Variants in ZNF318 observed in about 807,000 individuals in gnomAD.
The protein encoded by ZNF318 is zinc finger protein 318, also known as endocrine regulator.
Under a neutral mutation model 124.2 loss-of-function variants are expected in ZNF318, and 51 were observed. The observed-to-expected ratio is 0.41, with a 90% CI of 0.33 to 0.52. ZNF318 has a LOEUF of 0.52. ZNF318 is among the 20% of genes least tolerant of loss of function. ZNF318 has a pLI of 0.23. For synonymous variants in ZNF318, 1,090 were observed against 1,040.7 expected, an observed-to-expected ratio of 1.05 and a Z score of -0.91; for missense variants, 2,815 against 2,811.2, an observed-to-expected ratio of 1.00 and a Z score of -0.03.
rs1350384167 is a variant in ZNF318 at position 43,369,018 on chromosome 6, G to C, written c.348C>G (p.Ala116=). The stretch of plus-strand genomic sequence containing the variant: ...CTCCGCGGCCGTCCCGGGCATAGTC[G>C]GCGCGGGACTCCCCCCGGCTGCTGC... The part of the protein sequence containing the change: ...FRGSSRGESR[A]DYARDGRGDH... The change falls in exon 1 of 10, where the codon GCC becomes GCG. Residue 116 remains alanine (A), a synonymous_variant. Coordinates refer to ENST00000361428, the MANE Select transcript of ZNF318 (RefSeq NM_014345.3). 7.0e-7 allele frequency: 1 copy of C among 1,435,170 alleles called. No individual in the cohort carries two copies. Among genetic ancestry groups the C allele is most frequent in the African/African-American group, 1.5e-5 (1 of 67,884 alleles). 88.9% of individuals were successfully genotyped at this position (1,435,170 alleles called of 1,614,324 possible). A position where few individuals can be genotyped will look rare whatever the true frequency, so the allele number is the denominator to read the frequency against.
Position 43,340,090 on chromosome 6 carries a change from C to T in ZNF318, c.3908G>A (p.Ser1303Asn), listed in dbSNP as rs1323895682. The change falls in exon 10 of 10, where the codon AGT (serine) becomes AAT (asparagine). Residue 1303 changes from serine to asparagine, a missense_variant. Transcript: ENST00000361428. ...PSISKEEILE[S>N]SKDKEDGKTE... The stretch of plus-strand genomic sequence containing the variant: ...TTTGCCATCCTCTTTGTCCTTACTA[C>T]TTTCTAGAATCTCTTCTTTAGAGAT... 6.2e-7 allele frequency: 1 copy of T among 1,614,082 alleles called. No individual in the cohort carries two copies. The highest frequency in any genetic ancestry group is 1.3e-5 in the African/African-American group (1 of 74,944).
chr6:43,343,160 A>G (rs981381385), intron 6 of ZNF318, among the ~76,000 whole-genome samples: 4 of 152,218 alleles, frequency 2.6e-5, no homozygotes, highest in Non-Finnish European at 4.4e-5. Flanking sequence ...AAGGTTGTGG[A>G]AACATTGGCT....
chr6:43,336,847 G>A lies in ZNF318; in HGVS notation c.*311C>T, dbSNP rs1475657132. ...AAATACAATCAAAGCACACTATGTG[G>A]TGAGCCAGTTAGACATGTGATTTTA... On this transcript the variant is annotated 3_prime_UTR_variant, in exon 10 of 10. Coordinates refer to ENST00000361428, the MANE Select transcript of ZNF318 (RefSeq NM_014345.3). 6.3e-6 allele frequency: 1 copy of A among 157,640 alleles called. No individual in the cohort carries two copies. The highest frequency in any genetic ancestry group is 2.4e-5 in the African/African-American group (1 of 41,504). 9.8% of individuals were successfully genotyped at this position (157,640 alleles called of 1,614,324 possible). A position where few individuals can be genotyped will look rare whatever the true frequency, so the allele number is the denominator to read the frequency against.
Position 43,337,889 on chromosome 6 carries a change from T to G in ZNF318, c.6109A>C (p.Thr2037Pro). 17 of 1,614,162 alleles carry G rather than the reference T, an allele frequency of 1.1e-5. No homozygotes were observed. The highest frequency in any genetic ancestry group is 1.4e-5 in the Non-Finnish European group (16 of 1,180,028). The change falls in exon 10 of 10, where the codon ACT becomes CCT. Residue 2037 changes from threonine to proline, a missense_variant. Transcript: ENST00000361428. ...TCACACACTTTCTGACACAAGACAG[T>G]TGGGGATCTATGTGCTGGGCTTACC... ...TRVSPAHRSP[T>P]VLCQKVCEEN... is the part of the protein sequence containing the mutation.
At position 43,338,256 on chromosome 6, in the gene ZNF318, T is replaced by G. The variant is rs147524759; in HGVS notation, c.5742A>C (p.Ser1914=). The change falls in exon 10 of 10, where the codon TCA becomes TCC. Residue 1914 remains serine, a synonymous_variant. Transcript: ENST00000361428. ...LTGSPQEQGV[S]VVSEEGLENS... ...TCTCTAGCCCCTCCTCACTAACAACTGAAACTCCTTGCTCTTGTGGACTAC... is the reference window on the plus strand; with the variant it reads ...TCTCTAGCCCCTCCTCACTAACAACGGAAACTCCTTGCTCTTGTGGACTAC... 6.2e-7 allele frequency: 1 copy of G among 1,614,034 alleles called. No individual in the cohort carries two copies. The highest frequency in any genetic ancestry group is 1.3e-5 in the African/African-American group (1 of 74,942).
intron 2 of ZNF318, among the ~76,000 whole-genome samples, chr6:43,364,961 A>G (rs1581652621): frequency 1.3e-5 from 2 of 152,212 alleles, no homozygotes; most frequent in South Asian, 4.1e-4. Flanking sequence ...GGGACTGCTC[A>G]TAGTTTCACT....
At chr6:43,353,538 C>T (rs1413431101) in intron 4 of ZNF318, among the ~76,000 whole-genome samples, 1 of 152,050 alleles carries the variant, frequency 6.6e-6, no homozygotes, top group Non-Finnish European at 1.5e-5. Flanking sequence ...CCACACCCGG[C>T]TAATTTTTTG....
chr6:43,367,834 G>A (rs1779781660), intron 1 of ZNF318, among the ~76,000 whole-genome samples: 1 of 152,090 alleles, frequency 6.6e-6, no homozygotes, highest in African/African-American at 2.4e-5. Context: ...ATGTTAGAGA[G>A]CCACTCAAAA....
chr6:43,368,759 G>A (rs1015188266), intron 1 of ZNF318: 13 of 985,338 alleles, frequency 1.3e-5, no homozygotes, highest in Non-Finnish European at 1.6e-5. Context: ...GCGCACTCCC[G>A]ACGAGACGCC....
At chr6:43,348,007 AG>A (rs1204408610) in intron 6 of ZNF318, among the ~76,000 whole-genome samples, 1 of 152,216 alleles carries the variant, frequency 6.6e-6, no homozygotes, top group Non-Finnish European at 1.5e-5. Flanking sequence ...ACATGAACAT[AG>A]TTGCTAAATA....
chr6:43,338,881 C>T lies in ZNF318; in HGVS notation c.5117G>A (p.Ser1706Asn), dbSNP rs528148704. The T allele has an allele frequency of 6.2e-7, 1 of 1,614,140 alleles. No homozygotes were observed. Among genetic ancestry groups the T allele is most frequent in the Non-Finnish European group, 8.5e-7 (1 of 1,180,038 alleles). Residue 1706 changes from serine (S) to asparagine (N), a missense_variant, in exon 10 of 10, where the codon AGT (serine) becomes AAT (asparagine). Coordinates refer to ENST00000361428, the MANE Select transcript of ZNF318 (RefSeq NM_014345.3). ...LAIWTSSSFQ[S>N]DTSRDISPEK... Reference sequence around the variant, plus strand: ...TGGAGATATATCCCTACTAGTGTCACTCTGGAAGGAACTAGAGGTCCATAT... The same window carrying T: ...TGGAGATATATCCCTACTAGTGTCATTCTGGAAGGAACTAGAGGTCCATAT...
chr6:43,347,258 G>C (rs1779460660), intron 6 of ZNF318, among the ~76,000 whole-genome samples: 1 of 152,214 alleles, frequency 6.6e-6, no homozygotes, highest in Non-Finnish European at 1.5e-5. Context: ...AAGAAGGAAA[G>C]AGGCATGAAA....
chr6:43,351,522 A>T (rs562986573), intron 5 of ZNF318, among the ~76,000 whole-genome samples: 1 of 152,300 alleles, frequency 6.6e-6, no homozygotes, highest in African/African-American at 2.4e-5. Flanking sequence ...GCACTCTGGG[A>T]GGCCGAGGAA....
Position 43,337,635 on chromosome 6 carries a change from C to T in ZNF318, c.6363G>A (p.Glu2121=). Residue 2121 remains glutamate (E), a synonymous_variant, in exon 10 of 10, where the codon GAG becomes GAA. Transcript: ENST00000361428. ...ENVDRGLGGL[E]GTHQALDLLA... Reference sequence around the variant, plus strand: ...ACAGGTCAAGGGCCTGGTGTGTTCCCTCTAGGCCCCCCAAGCCACGGTCAA... The same window carrying T: ...ACAGGTCAAGGGCCTGGTGTGTTCCTTCTAGGCCCCCCAAGCCACGGTCAA... The T allele has an allele frequency of 6.2e-7, 1 of 1,614,118 alleles. No individual in the cohort carries two copies. The highest frequency in any genetic ancestry group is 8.5e-7 in the Non-Finnish European group (1 of 1,180,006).
chr6:43,352,178 C>CTTTGCACT (rs1779536796), intron 5 of ZNF318, among the ~76,000 whole-genome samples, 199 bp downstream of exon 5: 1 of 56,944 alleles, frequency 1.8e-5, no homozygotes, highest in South Asian at 5.6e-4. Context: ...TCATCATCAT[C>CTTTGCACT]ATCATCACCA....
intron 3 of ZNF318, 117 bp downstream of exon 3, chr6:43,357,008 AT>A (rs1184829908): frequency 8.1e-7 from 1 of 1,233,952 alleles, no homozygotes; most frequent in African/African-American, 1.5e-5. Context: ...GTAGCTCACA[AT>A]GTCGGTCCAG....
At chr6:43,366,423 C>T (rs1055574242) in intron 1 of ZNF318, among the ~76,000 whole-genome samples, 1 of 152,166 alleles carries the variant, frequency 6.6e-6, no homozygotes, top group Non-Finnish European at 1.5e-5. Context: ...CAGATGCTTG[C>T]ACAGCACACC....
chr6:43,361,551 C>A (rs966045921), intron 2 of ZNF318, among the ~76,000 whole-genome samples: 2 of 152,000 alleles, frequency 1.3e-5, no homozygotes, highest in Non-Finnish European at 2.9e-5. Context: ...GGCAACAGAG[C>A]AAGACATTGT....
chr6:43,344,659 T>G (rs988036409), intron 6 of ZNF318, among the ~76,000 whole-genome samples: 1 of 152,112 alleles, frequency 6.6e-6, no homozygotes, highest in Non-Finnish European at 1.5e-5. Flanking sequence ...TAACATGGAC[T>G]TATTTATTTA....
Sources: gnomAD v4.1 joint callset for allele counts (sites outside exome capture counted in the v4.1 genomes callset) on GRCh38, gnomAD v4.1.1 for gene constraint, MANE v1.5 for transcripts, NCBI Gene and HGNC (gene_info 2026-07-23, HGNC 2026-07-21) for gene names.